The following ASS1 variants were observed in gnomAD, a reference collection of about 807,000 sequenced individuals.
ASS1 encodes argininosuccinate synthase.
ASS1 carries 58 observed loss-of-function variants against 60.5 expected under a neutral mutation model. The ratio of observed to expected loss-of-function variants is 0.96; its 90% CI spans 0.78 to 1.19. The LOEUF (loss-of-function observed/expected upper bound fraction) is 1.19, where lower values mean the gene tolerates loss of function less well. Among genes scored for constraint, ASS1 ranks in the 50% most tolerant of loss-of-function variants. The probability of loss-of-function intolerance (pLI) is 0.00; values close to 1 mark genes in which losing one functional copy is unlikely to be tolerated. For missense variants in ASS1, 454 were observed against 547.3 expected (o/e 0.83, Z 1.70); for synonymous variants, 200 against 206.9 (o/e 0.97, Z 0.29).
Position 130,480,426 on chromosome 9 carries a change from G to T in ASS1, c.815G>T (p.Arg272Leu), listed in dbSNP as rs768215008. ...GVGRIDIVEN[R>L]FIGMKSRGIY... The stretch of plus-strand genomic sequence containing the variant: ...GGCCGTATTGACATCGTGGAGAACC[G>T]CTTCATTGGAATGAAGTCCCGAGGT... The change falls in exon 11 of 15, where the codon CGC becomes CTC. Residue 272 changes from arginine (R) to leucine (L), a missense_variant. By Grantham distance (102) the Arg-to-Leu change is moderately radical. Transcript: ENST00000352480. 7.4e-6 allele frequency: 12 copies of T among 1,614,016 alleles called. No individual in the cohort carries two copies. The highest frequency in any genetic ancestry group is 1.0e-5 in the Non-Finnish European group (12 of 1,180,038).
At chr9:130,445,274 G>A (rs908237949) in intron 1 of ASS1, 2 of 957,544 alleles carry the variant, frequency 2.1e-6, no homozygotes, top group East Asian at 1.2e-4. Context: ...AGAGCGGCTC[G>A]GGTTATTTGT....
intron 1 of ASS1, among the ~76,000 whole-genome samples, chr9:130,446,513 G>C (rs927816561): frequency 6.6e-6 from 1 of 152,154 alleles, no homozygotes; most frequent in Admixed American, 6.5e-5. Context: ...CTCTGTGGGG[G>C]TGGATCAAGT....
intron 11 of ASS1, among the ~76,000 whole-genome samples, chr9:130,484,404 C>A (rs1846251944): frequency 6.6e-6 from 1 of 152,068 alleles, no homozygotes; most frequent in Non-Finnish European, 1.5e-5. Context: ...ACTCTCCCCC[C>A]AGCCACCCCT....
chr9:130,483,046 T>C (rs1846208655), intron 11 of ASS1, among the ~76,000 whole-genome samples: 1 of 152,302 alleles, frequency 6.6e-6, no homozygotes. Context: ...TTGCTTTGGG[T>C]TGGGGAGAGA....
intron 4 of ASS1, 57 bp from the exon 5 acceptor site, chr9:130,464,054 C>G: frequency 1.3e-6 from 2 of 1,597,600 alleles, no homozygotes; most frequent in East Asian, 2.2e-5. Context: ...ACGTCCTCCC[C>G]CAGACTCCAG....
intron 4 of ASS1, 144 bp downstream of exon 4, chr9:130,458,733 A>G (rs1018742112): frequency 1.1e-4 from 126 of 1,159,776 alleles, no homozygotes; most frequent in Non-Finnish European, 1.4e-4. Flanking sequence ...TTAGACCCCA[A>G]TGAGAGGGGT....
At chr9:130,479,110 C>T (rs533894375) in intron 9 of ASS1, among the ~76,000 whole-genome samples, 12 of 151,992 alleles carry the variant, frequency 7.9e-5, no homozygotes, top group South Asian at 2.1e-4. Context: ...CTGCCCCCAC[C>T]CAACCCCTTC....
rs1416317991 is a variant in ASS1, at chr9:130,478,629, C to T, written c.689-1087C>T. ...TAAGAGGCTTTCTCCAGCAGCAGCA[C>T]CAACAATGTCACCTCTTCTCCCGGG... On this transcript the variant is annotated intron_variant, in intron 9 of 14. Coordinates refer to ENST00000352480, the MANE Select transcript of ASS1 (RefSeq NM_054012.4). This position sits in a 1 kb window ranked among gnomAD's most constrained non-coding sequence, Gnocchi z 4.7. 6.6e-6 allele frequency among the ~76,000 whole-genome samples: 1 copy of T among 152,178 alleles called. No individual in the cohort carries two copies. The highest frequency in any genetic ancestry group is 1.5e-5 in the Non-Finnish European group (1 of 68,040).
At chr9:130,479,050 C>T (rs1007183276) in intron 9 of ASS1, among the ~76,000 whole-genome samples, 1 of 152,158 alleles carries the variant, frequency 6.6e-6, no homozygotes, top group Admixed American at 6.5e-5. Flanking sequence ...CATTTCACAC[C>T]GCTCGAGAAA....
At chr9:130,460,604 A>G (rs1845566212) in intron 4 of ASS1, among the ~76,000 whole-genome samples, 1 of 152,104 alleles carries the variant, frequency 6.6e-6, no homozygotes, top group African/African-American at 2.4e-5. Flanking sequence ...GGAAAGGCTT[A>G]GAGCCAAGAG....
At position 130,501,124 on chromosome 9, in the gene ASS1, C is replaced by G; in HGVS notation, c.*103C>G. The G allele has an allele frequency of 1.5e-6, 2 of 1,352,876 alleles. No homozygotes were observed. Among genetic ancestry groups the G allele is most frequent in the African/African-American group, 1.4e-5 (1 of 69,728 alleles). The allele number at this position is 1,352,876 out of a possible 1,614,324, so 83.8% of individuals were successfully genotyped here. A position where few individuals can be genotyped will look rare whatever the true frequency, so the allele number is the denominator to read the frequency against. ...TGTAATTGTGACTTGTTCTCCCCGG[C>G]TGGCAGCGTAGTGGGGCTGCCAGGC... On this transcript the variant is annotated 3_prime_UTR_variant, in exon 15 of 15. Coordinates refer to ENST00000352480, the MANE Select transcript of ASS1 (RefSeq NM_054012.4).
In ASS1 at chr9:130,480,452, G is replaced by A. The variant is rs1295853246; in HGVS notation, c.838+3G>A. ...CTTCATTGGAATGAAGTCCCGAGGT[G>A]AGTCTGCTCAGCCTCCCTCAGGGCC... On this transcript the variant is annotated splice_donor_region_variant and intron_variant, in intron 11 of 14. Transcript: ENST00000352480. 6.2e-7 allele frequency: 1 copy of A among 1,613,836 alleles called. No homozygotes were observed. Among genetic ancestry groups the A allele is most frequent in the African/African-American group, 1.3e-5 (1 of 74,946 alleles).
intron 4 of ASS1, 58 bp downstream of exon 4, chr9:130,458,647 G>C: frequency 6.3e-7 from 1 of 1,579,850 alleles, no homozygotes; most frequent in South Asian, 1.1e-5. Flanking sequence ...GTGTGGGAAG[G>C]AGATGAGCAC....
intron 8 of ASS1, among the ~76,000 whole-genome samples, chr9:130,471,775 A>G (rs1845872600): frequency 6.6e-6 from 1 of 152,044 alleles, no homozygotes; most frequent in Admixed American, 6.5e-5. Flanking sequence ...GAAATATCTC[A>G]GGGCAGCATA....
At chr9:130,458,314 C>T (rs1845495206) in intron 3 of ASS1, 87 bp from the exon 4 acceptor site, 1 of 1,544,036 alleles carries the variant, frequency 6.5e-7, no homozygotes, top group Non-Finnish European at 8.9e-7. Flanking sequence ...CCGTATAGGT[C>T]TCAGCTAGCT....
chr9:130,479,535 C>T (rs550065391), intron 9 of ASS1, among the ~76,000 whole-genome samples, 181 bp from the exon 10 acceptor site: 2 of 152,234 alleles, frequency 1.3e-5, no homozygotes, highest in Admixed American at 6.5e-5. Flanking sequence ...GGGGCTTTCT[C>T]GCCCCTTCTC....
At position 130,470,818 on chromosome 9, in the gene ASS1, T is replaced by C; in HGVS notation, c.496-16T>C. On this transcript the variant is annotated splice_polypyrimidine_tract_variant and intron_variant, in intron 6 of 14. Transcript: ENST00000352480. The surrounding 1 kb of genome is among the most constrained non-coding windows in gnomAD (Gnocchi z 4.3). ...CCAGCCGCCTTACCTCCACCTGTGC[T>C]GTCTCTTTCCTGCAGCAACACGGGA... is the stretch of plus-strand genomic sequence containing the variant. 6.2e-7 allele frequency: 1 copy of C among 1,613,780 alleles called. No individual in the cohort carries two copies. Among genetic ancestry groups the C allele is most frequent in the Non-Finnish European group, 8.5e-7 (1 of 1,179,732 alleles).
chr9:130,469,379 T>C (rs1256307282), intron 6 of ASS1, among the ~76,000 whole-genome samples: 1 of 152,182 alleles, frequency 6.6e-6, no homozygotes, highest in Non-Finnish European at 1.5e-5. Context: ...ACTAAGGCTC[T>C]TAGGGGCCCT....
At chr9:130,464,070 C>T in intron 4 of ASS1, 41 bp from the exon 5 acceptor site, 3 of 1,611,286 alleles carry the variant, frequency 1.9e-6, no homozygotes, top group Non-Finnish European at 1.7e-6. Flanking sequence ...TCCAGAACCC[C>T]CATCCTGTGG....
Sources: allele counts gnomAD v4.1 joint callset (sites outside exome capture counted in the v4.1 genomes callset), GRCh38; gene constraint gnomAD v4.1.1; non-coding constraint Gnocchi (gnomAD v3.1); transcripts MANE v1.5; gene names NCBI Gene and HGNC (gene_info 2026-07-23, HGNC 2026-07-21).